Variants in SPAG16 observed in about 807,000 individuals in gnomAD.
The protein encoded by SPAG16 is sperm-associated antigen 16 protein.
In SPAG16, 86 loss-of-function variants were observed where a neutral mutation model predicts 80.4. That is an observed-to-expected ratio of 1.07 (90% CI 0.90 to 1.28). The LOEUF (loss-of-function observed/expected upper bound fraction) is 1.28. Ranked by LOEUF, SPAG16 falls within the 50% of genes most tolerant of loss-of-function variation. The probability of loss-of-function intolerance (pLI) is 0.00; values close to 1 mark genes in which losing one functional copy is unlikely to be tolerated. For missense variants in SPAG16, 870 were observed against 765.3 expected, an observed-to-expected ratio of 1.14 and a Z score of -1.61; for synonymous variants, 294 against 265.9, an observed-to-expected ratio of 1.11 and a Z score of -1.03.
At chr2:213,604,314 A>T (rs766686141) in intron 10 of SPAG16, among the ~76,000 whole-genome samples, 1 of 151,824 alleles carries the variant, frequency 6.6e-6, no homozygotes, top group Non-Finnish European at 1.5e-5. Context: ...TTTTTTACAG[A>T]ACTCTTATTT....
intron 15 of SPAG16, among the ~76,000 whole-genome samples, chr2:214,407,736 A>T (rs188126138): frequency 3.9e-5 from 6 of 152,258 alleles, no homozygotes; most frequent in Admixed American, 1.3e-4. Context: ...TTCTCTCTCA[A>T]ACCAATTGGA....
intron 10 of SPAG16, among the ~76,000 whole-genome samples, chr2:213,820,377 C>T (rs1444290124): frequency 1.3e-5 from 2 of 151,906 alleles, no homozygotes; most frequent in African/African-American, 4.8e-5. Context: ...GTGGGAAACT[C>T]TTTTTATTTT....
Position 214,016,491 on chromosome 2 carries a change from A to T in SPAG16, c.1527+2414A>T, listed in dbSNP as rs6435810. On this transcript the variant is annotated intron_variant, in intron 13 of 15. Coordinates refer to ENST00000331683, the MANE Select transcript of SPAG16 (RefSeq NM_024532.5). Reference sequence around the variant, plus strand: ...CAGGGTGAGATTTGGGTGGGGAACAAAAAGCCAAGCCATATCACAAAGTAA... The same window carrying T: ...CAGGGTGAGATTTGGGTGGGGAACATAAAGCCAAGCCATATCACAAAGTAA... 2.0e-5 allele frequency among the ~76,000 whole-genome samples: 3 copies of T among 151,942 alleles called. No individual in the cohort carries two copies. In the South Asian group the frequency reaches 6.2e-4, roughly 32 times the overall value.
At chr2:214,240,126 G>A (rs1230550650) in intron 15 of SPAG16, 1 of 152,112 alleles carries the variant, frequency 6.6e-6, no homozygotes, top group Non-Finnish European at 1.5e-5. Flanking sequence ...ACACACATGG[G>A]TCTCATAATG....
chr2:214,224,944 AT>A (rs111637294), intron 15 of SPAG16, among the ~76,000 whole-genome samples: 2,503 of 152,276 alleles, frequency 0.016, 42 homozygotes, highest in African/African-American at 0.038. Context: ...GGTGCACAAT[AT>A]TAACAGATAA....
chr2:213,828,634 C>T (rs1315856197), intron 10 of SPAG16, among the ~76,000 whole-genome samples: 3 of 152,134 alleles, frequency 2.0e-5, no homozygotes, highest in Non-Finnish European at 4.4e-5. Flanking sequence ...ATCGTTTTCA[C>T]AGTCTGGGTT....
chr2:213,661,866 A>G (rs1015559193), intron 10 of SPAG16, among the ~76,000 whole-genome samples: 1 of 152,178 alleles, frequency 6.6e-6, no homozygotes, highest in Non-Finnish European at 1.5e-5. Context: ...CCCACCTTAT[A>G]ATTATCCAGA....
chr2:213,850,787 A>C (rs985812050), intron 10 of SPAG16, among the ~76,000 whole-genome samples: 1 of 152,110 alleles, frequency 6.6e-6, no homozygotes, highest in Non-Finnish European at 1.5e-5. Flanking sequence ...GTGACTTAGG[A>C]AACATTATTA....
chr2:213,602,333 T>C (rs1416159040), intron 10 of SPAG16, among the ~76,000 whole-genome samples: 2 of 151,836 alleles, frequency 1.3e-5, no homozygotes, highest in Non-Finnish European at 2.9e-5. Flanking sequence ...CAAACTAGTA[T>C]AATAAACTCA....
chr2:214,177,041 AT>A (rs1485806241), intron 15 of SPAG16, among the ~76,000 whole-genome samples: 2 of 151,234 alleles, frequency 1.3e-5, no homozygotes, highest in Non-Finnish European at 3.0e-5. Flanking sequence ...ATATAGAATT[AT>A]TTAAGAATTA....
At position 213,414,156 on chromosome 2, in the gene SPAG16, G is replaced by T. The variant is rs570006218; in HGVS notation, c.942+39037G>T. Among the ~76,000 whole-genome samples, 4 of 152,242 alleles carry T rather than the reference G, an allele frequency of 2.6e-5. No homozygotes were observed. The East Asian group carries it at 5.8e-4, about 22-fold the overall frequency. The stretch of plus-strand genomic sequence containing the variant: ...GGAAACACTAAATGCAAAAATATGT[G>T]CAGTAGGTAGTCTCCAAACATAGAC... On this transcript the variant is annotated intron_variant, in intron 9 of 15. Coordinates refer to ENST00000331683, the MANE Select transcript of SPAG16 (RefSeq NM_024532.5).
At chr2:214,188,486 C>T (rs2125690203) in intron 15 of SPAG16, among the ~76,000 whole-genome samples, 1 of 152,232 alleles carries the variant, frequency 6.6e-6, no homozygotes, top group East Asian at 1.9e-4. Flanking sequence ...AATTGAAATT[C>T]CATAGTTTAG....
chr2:213,421,407 C>G (rs940570272), intron 9 of SPAG16, among the ~76,000 whole-genome samples: 2 of 152,224 alleles, frequency 1.3e-5, no homozygotes, highest in African/African-American at 4.8e-5. Flanking sequence ...GGTGGCTCAG[C>G]TCAGGTCTGC....
chr2:214,091,301 A>G (rs1219646625), intron 13 of SPAG16, among the ~76,000 whole-genome samples: 1 of 152,126 alleles, frequency 6.6e-6, no homozygotes, highest in Non-Finnish European at 1.5e-5. Flanking sequence ...AAAACTACTA[A>G]TACTACTCCA....
intron 15 of SPAG16, among the ~76,000 whole-genome samples, chr2:214,296,407 C>T (rs1011478163): frequency 2.0e-5 from 3 of 152,122 alleles, no homozygotes; most frequent in Non-Finnish European, 4.4e-5. Context: ...GGGTAGATAG[C>T]CAGTAGTGAG....
chr2:213,778,833 A>T (rs556353160), intron 10 of SPAG16, among the ~76,000 whole-genome samples: 2 of 152,092 alleles, frequency 1.3e-5, no homozygotes, highest in African/African-American at 4.8e-5. Flanking sequence ...ATATTAATGA[A>T]TTTTTTTCAG....
chr2:213,934,935 G>T (rs2078923925), intron 12 of SPAG16, among the ~76,000 whole-genome samples: 1 of 152,148 alleles, frequency 6.6e-6, no homozygotes, highest in Non-Finnish European at 1.5e-5. Flanking sequence ...TGGTGCGGTG[G>T]CTCATGCCTG....
intron 10 of SPAG16, among the ~76,000 whole-genome samples, chr2:213,533,958 G>A (rs958425588): frequency 3.9e-5 from 6 of 151,982 alleles, no homozygotes; most frequent in Admixed American, 2.6e-4. Flanking sequence ...TTCATCTTAT[G>A]TACTTTCTGA....
intron 9 of SPAG16, among the ~76,000 whole-genome samples, chr2:213,428,589 G>A (rs2070092606): frequency 6.6e-6 from 1 of 152,160 alleles, no homozygotes; most frequent in African/African-American, 2.4e-5. Context: ...TGTGGCATTT[G>A]CTCCAGCTGT....
Sources: allele counts gnomAD v4.1 joint callset (sites outside exome capture counted in the v4.1 genomes callset), GRCh38; gene constraint gnomAD v4.1.1; transcripts MANE v1.5; gene names NCBI Gene and HGNC (gene_info 2026-07-23, HGNC 2026-07-21).